Variants in CLSTN2 observed in about 807,000 individuals in gnomAD.
CLSTN2 encodes the protein calsyntenin 2, also known as calsyntenin-2.
CLSTN2 carries 48 observed loss-of-function variants against 101.2 expected under a neutral mutation model. The ratio of observed to expected loss-of-function variants is 0.47; its 90% CI spans 0.38 to 0.60. CLSTN2 has a LOEUF of 0.60. Ranked by LOEUF, CLSTN2 falls within the 20% of genes least tolerant of loss-of-function variation. The pLI, the probability that CLSTN2 is intolerant of heterozygous loss-of-function variation, is 0.00. For synonymous variants in CLSTN2, 481 were observed against 463.6 expected (o/e 1.04, Z -0.48); for missense variants, 1,160 against 1,238.2 (o/e 0.94, Z 0.95).
At chr3:140,101,364 T>C (rs1165241545) in intron 1 of CLSTN2, among the ~76,000 whole-genome samples, 1 of 152,212 alleles carries the variant, frequency 6.6e-6, no homozygotes, top group African/African-American at 2.4e-5. Flanking sequence ...CCAGTGTACA[T>C]GTACATTAAA....
At chr3:140,202,822 A>T (rs1381663805) in intron 2 of CLSTN2, among the ~76,000 whole-genome samples, 2 of 152,172 alleles carry the variant, frequency 1.3e-5, no homozygotes, top group African/African-American at 4.8e-5. Flanking sequence ...GACTAGTGAG[A>T]TGCCCACCCA....
In CLSTN2 at chr3:140,253,756, G is replaced by A. The variant is rs1428253807; in HGVS notation, c.232+77683G>A. Among the ~76,000 whole-genome samples, 4 of 152,214 alleles carry A rather than the reference G, an allele frequency of 2.6e-5. No homozygotes were observed. The East Asian group carries it at 7.7e-4, about 29-fold the overall frequency. On this transcript the variant is annotated intron_variant, in intron 2 of 16. Transcript: ENST00000458420. ...TCCCAGGAGACAGGAACCCACCAAA[G>A]GGTTTCGGTCTTTTTTATTTTTTTT...
intron 7 of CLSTN2, among the ~76,000 whole-genome samples, chr3:140,461,710 G>A (rs1933566756): frequency 6.6e-6 from 1 of 152,020 alleles, no homozygotes; most frequent in African/African-American, 2.4e-5. Flanking sequence ...AAGAATCTTG[G>A]AGGAGCCTAA....
intron 1 of CLSTN2, among the ~76,000 whole-genome samples, chr3:140,132,958 A>T (rs775416427): frequency 6.6e-6 from 1 of 152,192 alleles, no homozygotes; most frequent in Non-Finnish European, 1.5e-5. Flanking sequence ...ATGCTCATAG[A>T]ATGTTTGCTA....
intron 1 of CLSTN2, among the ~76,000 whole-genome samples, chr3:140,129,529 T>C (rs1227151561): frequency 6.6e-6 from 1 of 152,124 alleles, no homozygotes; most frequent in African/African-American, 2.4e-5. Context: ...CAACAAAACA[T>C]TGCATGCAAA....
chr3:140,021,421 G>A (rs893176126), intron 1 of CLSTN2, among the ~76,000 whole-genome samples: 2 of 152,174 alleles, frequency 1.3e-5, no homozygotes, highest in African/African-American at 4.8e-5. Context: ...GTGGCGTACC[G>A]GCAGCATTGC....
chr3:140,027,075 C>A (rs4683466), intron 1 of CLSTN2, among the ~76,000 whole-genome samples: 2 of 152,124 alleles, frequency 1.3e-5, no homozygotes, highest in Non-Finnish European at 2.9e-5. Context: ...TTTGAAAGAC[C>A]TTTGATCATA....
chr3:140,142,635 A>G (rs1009507280), intron 1 of CLSTN2, among the ~76,000 whole-genome samples: 12 of 152,176 alleles, frequency 7.9e-5, no homozygotes, highest in African/African-American at 2.9e-4. Flanking sequence ...TTTTCATGTG[A>G]CAAGAATTAT....
intron 2 of CLSTN2, among the ~76,000 whole-genome samples, chr3:140,348,806 G>C (rs977953841): frequency 1.3e-5 from 2 of 152,122 alleles, no homozygotes; most frequent in Admixed American, 1.3e-4. Context: ...GTTCCACTGT[G>C]TCAAAGATAC....
At chr3:140,357,514 C>A (rs1398943956) in intron 2 of CLSTN2, among the ~76,000 whole-genome samples, 1 of 151,558 alleles carries the variant, frequency 6.6e-6, no homozygotes, top group Non-Finnish European at 1.5e-5. Flanking sequence ...GGGGACAGAC[C>A]CACAGAGGCC....
At chr3:140,277,541 G>A (rs1023779149) in intron 2 of CLSTN2, among the ~76,000 whole-genome samples, 9 of 152,212 alleles carry the variant, frequency 5.9e-5, no homozygotes, top group Admixed American at 2.0e-4. Context: ...ACAAGGTTAA[G>A]TCTGAAGAAT....
chr3:139,938,708 A>C (rs112952630), intron 1 of CLSTN2, among the ~76,000 whole-genome samples: 4,410 of 152,324 alleles, frequency 0.029, 77 homozygotes, highest in Non-Finnish European at 0.034. Flanking sequence ...ACAACACCTC[A>C]AAGTTTGTGC....
chr3:139,969,200 T>A (rs1197685602), intron 1 of CLSTN2, among the ~76,000 whole-genome samples: 1 of 152,202 alleles, frequency 6.6e-6, no homozygotes, highest in Non-Finnish European at 1.5e-5. Flanking sequence ...CAAGGTCACC[T>A]AACTAGTAAA....
At chr3:140,497,926 C>A (rs1934503000) in intron 8 of CLSTN2, among the ~76,000 whole-genome samples, 1 of 152,098 alleles carries the variant, frequency 6.6e-6, no homozygotes, top group Admixed American at 6.5e-5. Flanking sequence ...CCTTGGCTGG[C>A]GTTGGGGGTT....
rs1170350590 is a variant in CLSTN2, at chr3:140,436,606, G to C, written c.788-11913G>C. Among the ~76,000 whole-genome samples, 3 of 152,214 alleles carry C rather than the reference G, an allele frequency of 2.0e-5. No homozygotes were observed. In the East Asian group the frequency reaches 5.8e-4, roughly 29 times the overall value. On this transcript the variant is annotated intron_variant, in intron 5 of 16. Transcript: ENST00000458420. ...AGCCAGTCTGGGCCCCTGTGGCTTG[G>C]GTGTTCCCTGGTCAGGTGAAGAGGG...
In CLSTN2 at chr3:140,572,471, C is replaced by T. The variant is rs894810433; in HGVS notation, c.*6218C>T. ...GGAAGGGTGATGCAGGTAGAGGGGCCAGCAGGAGCCAAGTCTCAAAAGGCA... is the reference window on the plus strand; with the variant it reads ...GGAAGGGTGATGCAGGTAGAGGGGCTAGCAGGAGCCAAGTCTCAAAAGGCA... On this transcript the variant is annotated 3_prime_UTR_variant, in exon 17 of 17. Transcript: ENST00000458420. 2 of 152,272 alleles carry T rather than the reference C, an allele frequency of 1.3e-5. No individual in the cohort carries two copies. Among genetic ancestry groups the T allele is most frequent in the African/African-American group, 4.8e-5 (2 of 41,452 alleles). The allele number at this position is 152,272 out of a possible 1,614,324, so 9.4% of individuals were successfully genotyped here.
chr3:140,286,640 GT>G (rs920914102), intron 2 of CLSTN2, among the ~76,000 whole-genome samples: 1 of 152,182 alleles, frequency 6.6e-6, no homozygotes, highest in Admixed American at 6.5e-5. Context: ...CAGGGACCAT[GT>G]TTCTCATCTC....
chr3:140,559,717 C>G (rs918264949), intron 12 of CLSTN2, among the ~76,000 whole-genome samples: 1 of 152,086 alleles, frequency 6.6e-6, no homozygotes, highest in African/African-American at 2.4e-5. Context: ...CTCCCCTCCC[C>G]CTCCAAAAGC....
intron 12 of CLSTN2, among the ~76,000 whole-genome samples, chr3:140,559,614 A>G (rs1279677367): frequency 6.6e-6 from 1 of 151,876 alleles, no homozygotes; most frequent in South Asian, 2.1e-4. Flanking sequence ...GGAGGGAGGG[A>G]AGAAAACCTC....
Sources: gnomAD v4.1 joint callset for allele counts (sites outside exome capture counted in the v4.1 genomes callset) on GRCh38, gnomAD v4.1.1 for gene constraint, MANE v1.5 for transcripts, NCBI Gene and HGNC (gene_info 2026-07-23, HGNC 2026-07-21) for gene names.